The following ESPN variants were observed in gnomAD, a reference collection of about 807,000 sequenced individuals.
ESPN encodes the protein espin.
Under a neutral mutation model 77.7 loss-of-function variants are expected in ESPN, and 68 were observed. The ratio of observed to expected loss-of-function variants is 0.87; its 90% CI spans 0.72 to 1.07. The LOEUF is 1.07. ESPN is among the 50% of genes least tolerant of loss of function. The pLI, the probability that ESPN is intolerant of heterozygous loss-of-function variation, is 0.00. For missense variants in ESPN, 1,060 were observed against 1,239.0 expected (o/e 0.86, Z 2.17); for synonymous variants, 449 against 567.1 (o/e 0.79, Z 2.96).
chr1:6,451,900 C>T lies in ESPN; in HGVS notation c.2129C>T (p.Ala710Val), dbSNP rs751888420. ...GTCCGGAGCCCCACACCGCCAGCTG[C>T]GGGGTTTCAGCCGCTGCTCAATGGA... ...SPVRSPTPPA[A>V]GFQPLLNGSL... The change falls in exon 10 of 13, where the codon GCG becomes GTG. Residue 710 changes from alanine (A) to valine (V), a missense_variant. Coordinates refer to ENST00000645284, the MANE Select transcript of ESPN (RefSeq NM_031475.3). The surrounding 1 kb of genome is among the most constrained non-coding windows in gnomAD (Gnocchi z 4.3). 5 of 1,610,800 alleles carry T rather than the reference C, an allele frequency of 3.1e-6. No individual in the cohort carries two copies. The highest frequency in any genetic ancestry group is 1.3e-5 in the African/African-American group (1 of 74,870).
chr1:6,449,122 C>G, intron 8 of ESPN, 31 bp downstream of exon 8: 1 of 1,452,350 alleles, frequency 6.9e-7, no homozygotes, highest in Non-Finnish European at 9.0e-7. Context: ...GGGCGTGGGG[C>G]GGCGCTAGCC....
In ESPN at chr1:6,450,177, G is replaced by A. The variant is rs1425398444; in HGVS notation, c.1915+1086G>A. Among the ~76,000 whole-genome samples the A allele has an allele frequency of 2.6e-5, 4 of 152,202 alleles. No individual in the cohort carries two copies. The highest frequency in any genetic ancestry group is 2.1e-4 in the South Asian group (1 of 4,822). Reference sequence around the variant, plus strand: ...TGCCCTACCCCAACCCAGTGCCAAGGTGGAGGCCCTTGCTAGGGGCTAGAG... The same window carrying A: ...TGCCCTACCCCAACCCAGTGCCAAGATGGAGGCCCTTGCTAGGGGCTAGAG... On this transcript the variant is annotated intron_variant, in intron 8 of 12. Transcript: ENST00000645284. The surrounding 1 kb of genome is among the most constrained non-coding windows in gnomAD (Gnocchi z 4.3).
intron 7 of ESPN, among the ~76,000 whole-genome samples, 156 bp downstream of exon 7, chr1:6,446,091 G>A (rs1643827877): frequency 6.6e-6 from 1 of 152,130 alleles, no homozygotes; most frequent in Non-Finnish European, 1.5e-5. Flanking sequence ...AGTCCCACAA[G>A]GGGTCAGGGC....
Position 6,440,459 on chromosome 1 carries a change from C to T in ESPN, c.675+19C>T. On this transcript the variant is annotated intron_variant, in intron 3 of 12. Coordinates refer to ENST00000645284, the MANE Select transcript of ESPN (RefSeq NM_031475.3). Reference sequence around the variant, plus strand: ...GTGGTTGGTGAGCTCCGGGCCCGGGCGGGGAGCAGGGGAGGCGGGGCGGAG... The same window carrying T: ...GTGGTTGGTGAGCTCCGGGCCCGGGTGGGGAGCAGGGGAGGCGGGGCGGAG... 4 of 1,521,894 alleles carry T rather than the reference C, an allele frequency of 2.6e-6. No homozygotes were observed. Among genetic ancestry groups the T allele is most frequent in the Non-Finnish European group, 2.6e-6 (3 of 1,137,878 alleles). The allele number at this position is 1,521,894 out of a possible 1,614,324, so 94.3% of individuals were successfully genotyped here.
intron 8 of ESPN, 133 bp downstream of exon 8, chr1:6,449,224 C>G (rs1643905413): frequency 2.1e-6 from 2 of 932,772 alleles, no homozygotes; most frequent in South Asian, 2.6e-5. Context: ...GCCACCCCTA[C>G]CCCATTGAGT....
rs868839291 is a variant in ESPN, at chr1:6,428,817, C to T, written c.488+398C>T. Among the ~76,000 whole-genome samples the T allele has an allele frequency of 2.0e-5, 3 of 152,134 alleles. No individual in the cohort carries two copies. The highest frequency in any genetic ancestry group is 4.8e-5 in the African/African-American group (2 of 41,420). On this transcript the variant is annotated intron_variant, in intron 2 of 12. Coordinates refer to ENST00000645284, the MANE Select transcript of ESPN (RefSeq NM_031475.3). The surrounding 1 kb of genome is among the most constrained non-coding windows in gnomAD (Gnocchi z 5.4). The stretch of plus-strand genomic sequence containing the variant: ...GAGTCGGGGGCAGCAAGGGCAGGAG[C>T]GCCTCCTAGGCCCTAGTCAAACAGG...
At position 6,445,840 on chromosome 1, in the gene ESPN, G is replaced by C. The variant is rs370388560; in HGVS notation, c.1369G>C (p.Ala457Pro). The C allele has an allele frequency of 1.9e-6, 3 of 1,556,994 alleles. No homozygotes were observed. Among genetic ancestry groups the C allele is most frequent in the Non-Finnish European group, 2.6e-6 (3 of 1,149,778 alleles). The stretch of plus-strand genomic sequence containing the variant: ...GCCCCCACCCCCACCTGGCTACCCA[G>C]CTCCCAAGCCTCCTGTAGGACCACA... ...QLPPPPPGYP[A>P]PKPPVGPQAA... is the part of the protein sequence containing the mutation. Residue 457 changes from alanine to proline, a missense_variant, in exon 7 of 13, where the codon GCT becomes CCT. Physicochemically the swap from Ala to Pro is conservative, Grantham distance 27. Around this residue, in one of 3 missense-constraint regions of ESPN, gnomAD observed 130 missense variants for 223.9 expected, o/e 0.58. Coordinates refer to ENST00000645284, the MANE Select transcript of ESPN (RefSeq NM_031475.3).
In ESPN at chr1:6,460,094, C is replaced by A. The variant is rs201422991; in HGVS notation, c.2513C>A (p.Ala838Glu). Residue 838 changes from alanine (A) to glutamate (E), a missense_variant, in exon 13 of 13, where the codon GCG becomes GAG. Physicochemically the swap from Ala to Glu is moderately radical, Grantham distance 107 (BLOSUM62 -1). Transcript: ENST00000645284. ...CTGGGCTACGATGAGAGCAAGCTGG[C>A]GCCCTGGCAGCGACAGGTCATCCTG... is the stretch of plus-strand genomic sequence containing the variant. ...RTLGYDESKL[A>E]PWQRQVILKK... 2.7e-5 allele frequency: 43 copies of A among 1,613,318 alleles called. No homozygotes were observed. The East Asian group carries it at 9.4e-4, about 35-fold the overall frequency.
intron 3 of ESPN, 52 bp from the exon 4 acceptor site, chr1:6,440,574 C>T: frequency 9.7e-7 from 1 of 1,028,260 alleles, no homozygotes; most frequent in Non-Finnish European, 1.4e-6. Context: ...GGCGGGCCTA[C>T]AGGGGCCTGG....
Position 6,447,196 on chromosome 1 carries a change from C to T in ESPN, c.1464+1261C>T, listed in dbSNP as rs200228077. The stretch of plus-strand genomic sequence containing the variant: ...TGTGTGCGCCCCTCCCGGCTGTGTG[C>T]GCCCCTCCCCACTGTGTGCGCCCCT... On this transcript the variant is annotated intron_variant, in intron 7 of 12. Transcript: ENST00000645284. This position sits in a 1 kb window ranked among gnomAD's most constrained non-coding sequence, Gnocchi z 5.2. 1 of 151,444 alleles carries T rather than the reference C, an allele frequency of 6.6e-6. No individual in the cohort carries two copies. The highest frequency in any genetic ancestry group is 1.9e-4 in the East Asian group (1 of 5,180). The allele number at this position is 151,444 out of a possible 1,614,324, so 9.4% of individuals were successfully genotyped here.
chr1:6,453,804 G>A (rs1643997243), intron 10 of ESPN, among the ~76,000 whole-genome samples: 1 of 152,204 alleles, frequency 6.6e-6, no homozygotes, highest in African/African-American at 2.4e-5. Flanking sequence ...CAGGCCCAGG[G>A]GGAAAACTGG....
intron 2 of ESPN, among the ~76,000 whole-genome samples, chr1:6,430,260 G>A (rs926950029): frequency 5.9e-5 from 9 of 152,202 alleles, no homozygotes; most frequent in East Asian, 1.9e-4. Flanking sequence ...CAGCTCTCTC[G>A]CTGGCGCGTG....
chr1:6,461,151 TTTTTGTTTTG>T, downstream of ESPN: 1 of 639,284 alleles, frequency 1.6e-6, no homozygotes, highest in Non-Finnish European at 3.0e-6. The surrounding 1 kb of genome is among the most constrained non-coding windows in gnomAD (Gnocchi z 6.3). Context: ...CAAGAAGCCG[TTTTTGTTTTG>T]TTTTGTTTTC....
chr1:6,451,555 G>A lies in ESPN; in HGVS notation c.1916-48G>A, dbSNP rs886664883. 3 of 1,597,282 alleles carry A rather than the reference G, an allele frequency of 1.9e-6. No homozygotes were observed. In the African/African-American group the frequency reaches 4.0e-5, roughly 21 times the overall value. On this transcript the variant is annotated intron_variant, in intron 8 of 12. Transcript: ENST00000645284. This position sits in a 1 kb window ranked among gnomAD's most constrained non-coding sequence, Gnocchi z 4.3. ...CAGAGGGGCGGGTGAGGGGTGGCGGGGATGCAGCCCCACCCTGGCCAGTGC... is the reference window on the plus strand; with the variant it reads ...CAGAGGGGCGGGTGAGGGGTGGCGGAGATGCAGCCCCACCCTGGCCAGTGC...
In ESPN at chr1:6,428,095, C is replaced by A; in HGVS notation, c.295-131C>A. 1.0e-6 allele frequency: 1 copy of A among 978,698 alleles called. No homozygotes were observed. The highest frequency in any genetic ancestry group is 1.6e-6 in the Non-Finnish European group (1 of 620,348). The allele number at this position is 978,698 out of a possible 1,614,324, so 60.6% of individuals were successfully genotyped here. A position where few individuals can be genotyped will look rare whatever the true frequency, so the allele number is the denominator to read the frequency against. ...CCAAAAAAAACATTGCTGAATGAGG[C>A]CTGGCCAATCCCTCCAGGGAAGACA... On this transcript the variant is annotated intron_variant, in intron 1 of 12. Coordinates refer to ENST00000645284, the MANE Select transcript of ESPN (RefSeq NM_031475.3). This position sits in a 1 kb window ranked among gnomAD's most constrained non-coding sequence, Gnocchi z 5.4.
chr1:6,460,052 C>T lies in ESPN; in HGVS notation c.2471C>T (p.Ser824Leu). 6.2e-7 allele frequency: 1 copy of T among 1,613,580 alleles called. No individual in the cohort carries two copies. Among genetic ancestry groups the T allele is most frequent in the Non-Finnish European group, 8.5e-7 (1 of 1,180,036 alleles). The stretch of plus-strand genomic sequence containing the variant: ...GAGCTGCGGCGGGAGAAGGAACAGT[C>T]AGAGAAGCTGCGGACGCTGGGCTAC... ...QEELRREKEQ[S>L]EKLRTLGYDE... Residue 824 changes from serine to leucine, a missense_variant, in exon 13 of 13, where the codon TCA becomes TTA. Physicochemically the swap from Ser to Leu is moderately radical, Grantham distance 145. Coordinates refer to ENST00000645284, the MANE Select transcript of ESPN (RefSeq NM_031475.3).
intron 2 of ESPN, among the ~76,000 whole-genome samples, chr1:6,433,491 C>A (rs1291685533): frequency 2.6e-5 from 4 of 152,056 alleles, no homozygotes; most frequent in African/African-American, 9.6e-5. Flanking sequence ...CCTGTAGTCC[C>A]AGCTACTTGG....
intron 10 of ESPN, chr1:6,454,341 A>C: frequency 2.5e-6 from 1 of 396,558 alleles, no homozygotes; most frequent in Non-Finnish European, 4.4e-6. Flanking sequence ...CCATTACACC[A>C]CCCGGGACAT....
Position 6,440,727 on chromosome 1 carries a change from G to A in ESPN, c.777G>A (p.Leu259=), listed in dbSNP as rs761642304. The change falls in exon 4 of 13, where the codon CTG becomes CTA. Residue 259 remains leucine (L), a synonymous_variant. Coordinates refer to ENST00000645284, the MANE Select transcript of ESPN (RefSeq NM_031475.3). The part of the protein sequence containing the change: ...SRGHTKVLSW[L]LLHGGEISAD... ...GCCACACCAAGGTGCTCAGCTGGCTGCTGCTGCACGGCGGGGAGATCTCGG... is the reference window on the plus strand; with the variant it reads ...GCCACACCAAGGTGCTCAGCTGGCTACTGCTGCACGGCGGGGAGATCTCGG... 2 of 1,547,782 alleles carry A rather than the reference G, an allele frequency of 1.3e-6. No homozygotes were observed. The highest frequency in any genetic ancestry group is 2.4e-5 in the South Asian group (2 of 83,880).
Sources: gnomAD v4.1 joint callset for allele counts (sites outside exome capture counted in the v4.1 genomes callset) on GRCh38, gnomAD v4.1.1 for gene constraint, gnomAD v4.1.1 regional missense constraint, Gnocchi (gnomAD v3.1) non-coding constraint, MANE v1.5 for transcripts, NCBI Gene and HGNC (gene_info 2026-07-23, HGNC 2026-07-21) for gene names.